Variants in TANC1 observed in about 807,000 individuals in gnomAD.
TANC1 encodes protein TANC1.
A neutral mutation model predicts 149.7 loss-of-function variants in TANC1; 77 were observed. The observed-to-expected ratio is 0.51, with a 90% CI of 0.43 to 0.62. The LOEUF is 0.62. Among genes scored for constraint, TANC1 ranks in the 20% least tolerant of loss-of-function variants. The pLI is 0.00. For missense variants in TANC1, 1,985 were observed against 2,321.8 expected, an observed-to-expected ratio of 0.85 and a Z score of 2.98; for synonymous variants, 854 against 925.0, an observed-to-expected ratio of 0.92 and a Z score of 1.39.
intron 17 of TANC1, 93 bp downstream of exon 17, chr2:159,194,586 T>A (rs2057712291): frequency 8.9e-7 from 1 of 1,126,418 alleles, no homozygotes; most frequent in Non-Finnish European, 1.3e-6. Context: ...CTCTCTTGTC[T>A]CTGAAACCAC....
intron 4 of TANC1, among the ~76,000 whole-genome samples, chr2:159,099,370 C>G (rs2046436532): frequency 6.6e-6 from 1 of 152,248 alleles, no homozygotes; most frequent in East Asian, 1.9e-4. Context: ...AGTTCCCACA[C>G]TGCCTGTCAT....
chr2:159,222,683 A>G (rs528487170), intron 22 of TANC1, among the ~76,000 whole-genome samples: 1 of 152,318 alleles, frequency 6.6e-6, no homozygotes, highest in East Asian at 1.9e-4. Flanking sequence ...TGTTGTGAAT[A>G]ATGTTGCAAT....
At position 159,149,257 on chromosome 2, in the gene TANC1, CA is replaced by C; in HGVS notation, c.485del (p.Asn162MetfsTer8). 1 of 1,614,180 alleles carries C rather than the reference CA, an allele frequency of 6.2e-7. No individual in the cohort carries two copies. The highest frequency in any genetic ancestry group is 8.5e-7 in the Non-Finnish European group (1 of 1,180,022). On this transcript the variant is annotated frameshift_variant, in exon 6 of 27. Coordinates refer to ENST00000263635, the MANE Select transcript of TANC1 (RefSeq NM_033394.3). LOFTEE classifies it high-confidence loss of function. Reference protein sequence around the residue: ...PSATHITIEDKNETMCTALSQ... With the variant: ...PSATHITIEDXNETMCTALSQ... ...GTGCCACACACATAACCATTGAAGACAAAAATGAAACCATGGTAATGCCCGA... is the reference window on the plus strand; with the variant it reads ...GTGCCACACACATAACCATTGAAGACAAAATGAAACCATGGTAATGCCCGA...
intron 18 of TANC1, among the ~76,000 whole-genome samples, chr2:159,198,355 AG>A (rs1396472706): frequency 2.6e-5 from 4 of 152,154 alleles, no homozygotes; most frequent in Non-Finnish European, 5.9e-5. Flanking sequence ...GGTGTGGGCT[AG>A]GAGACTGGAA....
chr2:159,107,386 A>G (rs946083018), intron 4 of TANC1, among the ~76,000 whole-genome samples: 1 of 152,168 alleles, frequency 6.6e-6, no homozygotes, highest in Admixed American at 6.5e-5. Context: ...ATTTATTATT[A>G]GTCTGTCTTT....
intron 1 of TANC1, among the ~76,000 whole-genome samples, chr2:158,981,797 A>G (rs1453791391): frequency 6.6e-6 from 1 of 151,878 alleles, no homozygotes; most frequent in Non-Finnish European, 1.5e-5. Flanking sequence ...ATAATACTCC[A>G]TAGACACTTA....
In TANC1 at chr2:159,019,653, G is replaced by GTTTTTTTTTTTTTTTTTTTTTTTTT. The variant is rs55746240; in HGVS notation, c.-16+18473_-16+18497dup. Among the ~76,000 whole-genome samples the GTTTTTTTTTTTTTTTTTTTTTTTTT allele has an allele frequency of 4.1e-5, 3 of 73,304 alleles. 1 individual carries two copies. Among genetic ancestry groups the GTTTTTTTTTTTTTTTTTTTTTTTTT allele is most frequent in the Non-Finnish European group, 7.6e-5 (3 of 39,230 alleles). The allele number at this position is 73,304 out of a possible 152,430, so 48.1% of individuals were successfully genotyped here. A position where few individuals can be genotyped will look rare whatever the true frequency, so the allele number is the denominator to read the frequency against. On this transcript the variant is annotated intron_variant, in intron 2 of 26. Coordinates refer to ENST00000263635, the MANE Select transcript of TANC1 (RefSeq NM_033394.3). ...CCTAACTGCAGCTTGCTTTCTTTCT[G>GTTTTTTTTTTTTTTTTTTTTTTTTT]TTTTTTTTTTTTTTTTTTTTTTTTT...
intron 2 of TANC1, among the ~76,000 whole-genome samples, chr2:159,004,735 A>C (rs1204863198): frequency 2.6e-5 from 4 of 151,910 alleles, no homozygotes; most frequent in Non-Finnish European, 4.4e-5. Flanking sequence ...ACAAACAAAC[A>C]AAAAAAACCA....
intron 1 of TANC1, among the ~76,000 whole-genome samples, chr2:158,989,965 G>C (rs1436825102): frequency 6.6e-6 from 1 of 151,682 alleles, no homozygotes; most frequent in Non-Finnish European, 1.5e-5. Context: ...ACAGGGGCTG[G>C]TGTGCAGTGA....
chr2:159,014,702 A>G (rs2038091387), intron 2 of TANC1, among the ~76,000 whole-genome samples: 1 of 152,236 alleles, frequency 6.6e-6, no homozygotes, highest in East Asian at 1.9e-4. Flanking sequence ...GGGGGTACTG[A>G]CATTGGGTAA....
At chr2:159,046,150 A>G (rs143678291) in intron 2 of TANC1, among the ~76,000 whole-genome samples, 26 of 152,154 alleles carry the variant, frequency 1.7e-4, no homozygotes, top group African/African-American at 5.8e-4. Context: ...AGAATTCACT[A>G]ATTTTTCTCC....
intron 1 of TANC1, among the ~76,000 whole-genome samples, chr2:158,992,736 G>A (rs1019468198): frequency 6.8e-6 from 1 of 147,768 alleles, no homozygotes; most frequent in African/African-American, 2.5e-5. Flanking sequence ...TAGCCAGGAT[G>A]GTCTCGATCT....
intron 3 of TANC1, among the ~76,000 whole-genome samples, chr2:159,083,581 G>T (rs1455998526): frequency 1.3e-5 from 2 of 152,146 alleles, no homozygotes; most frequent in African/African-American, 4.8e-5. Flanking sequence ...GTCAACATTT[G>T]CTTATTTTCA....
intron 19 of TANC1, among the ~76,000 whole-genome samples, chr2:159,216,503 C>G (rs2059355608): frequency 6.6e-6 from 1 of 152,120 alleles, no homozygotes; most frequent in South Asian, 2.1e-4. Flanking sequence ...CTGCCACCTC[C>G]TCCGTCCTCC....
chr2:159,029,171 A>G (rs572816772), intron 2 of TANC1, among the ~76,000 whole-genome samples: 6 of 152,328 alleles, frequency 3.9e-5, no homozygotes, highest in South Asian at 2.1e-4. Flanking sequence ...GGTAGCATGT[A>G]TCAGGATTTC....
intron 1 of TANC1, among the ~76,000 whole-genome samples, chr2:158,971,671 A>G (rs183963177): frequency 6.6e-6 from 1 of 152,292 alleles, no homozygotes; most frequent in Non-Finnish European, 1.5e-5. Flanking sequence ...CATCCCTAAA[A>G]TGGGATTACC....
chr2:159,132,023 T>C (rs1193229781), intron 4 of TANC1, among the ~76,000 whole-genome samples: 3 of 152,144 alleles, frequency 2.0e-5, no homozygotes, highest in Non-Finnish European at 2.9e-5. Flanking sequence ...TAGAATTGCA[T>C]ATTTAATCCA....
At chr2:159,047,377 C>T (rs542732224) in intron 2 of TANC1, among the ~76,000 whole-genome samples, 2 of 152,098 alleles carry the variant, frequency 1.3e-5, no homozygotes, top group Admixed American at 6.5e-5. Context: ...ATCTTAATTT[C>T]CTAAATAAAG....
intron 1 of TANC1, among the ~76,000 whole-genome samples, chr2:158,973,025 C>T (rs1027050270): frequency 6.6e-6 from 1 of 152,114 alleles, no homozygotes; most frequent in East Asian, 1.9e-4. Flanking sequence ...ACTTGCCCTT[C>T]TAGGGTCGGT....
Sources: gnomAD v4.1 joint callset for allele counts (sites outside exome capture counted in the v4.1 genomes callset) on GRCh38, gnomAD v4.1.1 for gene constraint, MANE v1.5 for transcripts, NCBI Gene and HGNC (gene_info 2026-07-23, HGNC 2026-07-21) for gene names.